The following NXPE2 variants were observed in gnomAD, a reference collection of about 807,000 sequenced individuals.
NXPE2 encodes neurexophilin and PC-esterase domain family member 2.
In NXPE2, 34 loss-of-function variants were observed where a neutral mutation model predicts 34.4. That is an observed-to-expected ratio of 0.99 (90% CI 0.75 to 1.31). NXPE2 has a LOEUF of 1.31. Ranked by LOEUF, NXPE2 falls within the 40% of genes most tolerant of loss-of-function variation. NXPE2 has a pLI of 0.00. For missense variants in NXPE2, 649 were observed against 672.5 expected, an observed-to-expected ratio of 0.97 and a Z score of 0.39; for synonymous variants, 235 against 231.3, an observed-to-expected ratio of 1.02 and a Z score of -0.15.
chr11:114,680,163 C>T (rs1950924758), intron 2 of NXPE2, among the ~76,000 whole-genome samples: 1 of 152,064 alleles, frequency 6.6e-6, no homozygotes. Context: ...CCTGGCTCTT[C>T]CCTTTGTAAG....
chr11:114,750,709 G>A, the NXPE2 span, among the ~76,000 whole-genome samples: 1 of 152,100 alleles, frequency 6.6e-6, no homozygotes, highest in African/African-American at 2.4e-5. Flanking sequence ...AAGTTACATA[G>A]GTGACAGTTT....
At chr11:114,579,038 T>C in the NXPE2 span, among the ~76,000 whole-genome samples, 2 of 152,166 alleles carry the variant, frequency 1.3e-5, no homozygotes, top group Non-Finnish European at 2.9e-5. Context: ...GGGTAATTTA[T>C]AAGGAAAGGA....
chr11:114,659,231 A>T, the NXPE2 span, among the ~76,000 whole-genome samples: 3 of 152,224 alleles, frequency 2.0e-5, no homozygotes, highest in East Asian at 5.8e-4. Context: ...AAAGTATGAG[A>T]TGTACAGAAA....
At chr11:114,671,192 A>G in the NXPE2 span, among the ~76,000 whole-genome samples, 1 of 151,366 alleles carries the variant, frequency 6.6e-6, no homozygotes, top group African/African-American at 2.4e-5. Context: ...TTGAACTGTC[A>G]GAAGAAAGAA....
the NXPE2 span, among the ~76,000 whole-genome samples, chr11:114,592,221 G>A: frequency 6.6e-6 from 1 of 152,160 alleles, no homozygotes; most frequent in South Asian, 2.1e-4. Flanking sequence ...TTGGAAAGAA[G>A]GAAATTAAAT....
At chr11:114,707,472 G>A, downstream of NXPE2, 1 of 375,178 alleles carries the variant, frequency 2.7e-6, no homozygotes, top group Non-Finnish European at 5.3e-6. Flanking sequence ...TCAGCTCATT[G>A]CAACCTCTGC....
the NXPE2 span, among the ~76,000 whole-genome samples, chr11:114,791,989 C>T: frequency 3.1e-4 from 47 of 152,174 alleles, no homozygotes; most frequent in African/African-American, 1.0e-3. Flanking sequence ...ACCCGGGAGG[C>T]GGAGCTTGCA....
chr11:114,470,102 G>T, the NXPE2 span, among the ~76,000 whole-genome samples: 1 of 152,098 alleles, frequency 6.6e-6, no homozygotes. Context: ...CCTTTTGATG[G>T]ACATGTGGGT....
chr11:114,810,507 C>T, the NXPE2 span, among the ~76,000 whole-genome samples: 15 of 151,526 alleles, frequency 9.9e-5, no homozygotes, highest in African/African-American at 3.4e-4. Context: ...AAAAAACAAC[C>T]CCATCAAAGA....
the NXPE2 span, among the ~76,000 whole-genome samples, chr11:114,731,210 A>AG: frequency 2.0e-5 from 3 of 152,042 alleles, no homozygotes. Flanking sequence ...TTAAAATTAA[A>AG]AAAATAGAAA....
At chr11:114,665,290 T>TC in the NXPE2 span, among the ~76,000 whole-genome samples, 2 of 152,170 alleles carry the variant, frequency 1.3e-5, no homozygotes, top group Non-Finnish European at 2.9e-5. Flanking sequence ...TGCTAATTTC[T>TC]CCCCCACAAT....
At chr11:114,784,656 C>A in the NXPE2 span, among the ~76,000 whole-genome samples, 1 of 152,064 alleles carries the variant, frequency 6.6e-6, no homozygotes, top group African/African-American at 2.4e-5. Context: ...TGGTGACAGA[C>A]CTGAATTTTT....
At chr11:114,681,797 T>G (rs549049448) in intron 2 of NXPE2, among the ~76,000 whole-genome samples, 1 of 152,176 alleles carries the variant, frequency 6.6e-6, no homozygotes, top group Non-Finnish European at 1.5e-5. Flanking sequence ...CCATTTTATA[T>G]TTGACAATGC....
chr11:114,724,890 G>GTT, the NXPE2 span, among the ~76,000 whole-genome samples: 128 of 90,906 alleles, frequency 1.4e-3, 1 homozygote, highest in Admixed American at 4.5e-3. Context: ...TTCAGAAATG[G>GTT]TTTTTTTTTT....
the NXPE2 span, among the ~76,000 whole-genome samples, chr11:114,661,387 C>T: frequency 6.6e-6 from 1 of 152,122 alleles, no homozygotes; most frequent in Non-Finnish European, 1.5e-5. Context: ...ACAAGTCAGG[C>T]AAAGCAACTT....
chr11:114,717,132 C>A, the NXPE2 span, among the ~76,000 whole-genome samples: 2 of 152,076 alleles, frequency 1.3e-5, no homozygotes, highest in African/African-American at 4.8e-5. Flanking sequence ...ACTGACGTAC[C>A]TGGTTACTAA....
the NXPE2 span, among the ~76,000 whole-genome samples, chr11:114,655,529 A>C: frequency 6.6e-6 from 1 of 152,140 alleles, no homozygotes; most frequent in African/African-American, 2.4e-5. Flanking sequence ...GTCCAGTTTC[A>C]GTTTTCTGCA....
the NXPE2 span, chr11:114,582,971 G>A: frequency 2.5e-6 from 4 of 1,613,986 alleles, no homozygotes; most frequent in East Asian, 2.2e-5. Flanking sequence ...AGGACTTTGT[G>A]GAGTTGTTCC....
the NXPE2 span, among the ~76,000 whole-genome samples, chr11:114,534,121 G>T: frequency 6.6e-6 from 1 of 152,216 alleles, no homozygotes; most frequent in Non-Finnish European, 1.5e-5. Flanking sequence ...AGCATTTGCG[G>T]TTAACCAATA....
Sources: allele counts gnomAD v4.1 joint callset (sites outside exome capture counted in the v4.1 genomes callset), GRCh38; gene constraint gnomAD v4.1.1; transcripts MANE v1.5; gene names NCBI Gene and HGNC (gene_info 2026-07-23, HGNC 2026-07-21).